WDR49: variants seen among roughly 807,000 people sequenced by gnomAD.
The protein encoded by WDR49 is cilia- and flagella-associated protein 337.
In WDR49, 107 loss-of-function variants were observed where a neutral mutation model predicts 119.5. The observed-to-expected ratio is 0.90, with a 90% CI of 0.77 to 1.05. The LOEUF (loss-of-function observed/expected upper bound fraction) is 1.05, where lower values mean the gene tolerates loss of function less well. WDR49 is among the 50% of genes least tolerant of loss of function. WDR49 has a pLI of 0.00. For missense variants in WDR49, 1,240 were observed against 1,220.5 expected, an observed-to-expected ratio of 1.02 and a Z score of -0.24; for synonymous variants, 425 against 418.8, an observed-to-expected ratio of 1.01 and a Z score of -0.18.
At chr3:167,482,506 A>G (rs1015393223) in intron 18 of WDR49, among the ~76,000 whole-genome samples, 1 of 48,050 alleles carries the variant, frequency 2.1e-5, no homozygotes, top group Non-Finnish European at 5.3e-5. Context: ...CGTCTCTACT[A>G]AAAAAAAAAA....
At position 167,560,057 on chromosome 3, in the gene WDR49, T is replaced by C. The variant is rs775436054; in HGVS notation, c.1674+7A>G. ...ATCTGGATAGAAAAGCATCATTGTG[T>C]TCGCACCTTTACAGTCCCATCTGTG... On this transcript the variant is annotated splice_region_variant and intron_variant, in intron 9 of 18. Transcript: ENST00000682715. The C allele has an allele frequency of 1.2e-6, 2 of 1,614,026 alleles. No individual in the cohort carries two copies. The highest frequency in any genetic ancestry group is 2.2e-5 in the South Asian group (2 of 91,060).
chr3:167,500,839 T>C (rs1467642833), intron 17 of WDR49, among the ~76,000 whole-genome samples: 1 of 152,244 alleles, frequency 6.6e-6, no homozygotes, highest in African/African-American at 2.4e-5. Context: ...TATTTCTCTT[T>C]GCTTCATGTA....
chr3:167,599,915 T>C (rs1311723009), intron 7 of WDR49, among the ~76,000 whole-genome samples: 3 of 152,174 alleles, frequency 2.0e-5, no homozygotes, highest in Non-Finnish European at 4.4e-5. Context: ...CTATCCCTGC[T>C]GGTTATTTAG....
chr3:167,510,092 G>A (rs1463493587), intron 16 of WDR49, among the ~76,000 whole-genome samples: 2 of 152,172 alleles, frequency 1.3e-5, no homozygotes, highest in East Asian at 3.9e-4. Context: ...TAATAAAAAT[G>A]TAGTATTTTT....
chr3:167,533,474 A>C (rs1195835609), intron 11 of WDR49, among the ~76,000 whole-genome samples: 1 of 152,100 alleles, frequency 6.6e-6, no homozygotes, highest in Admixed American at 6.6e-5. Flanking sequence ...ACTTTTTATT[A>C]TTGGGTAAAA....
chr3:167,636,733 C>A (rs1465942913), intron 2 of WDR49, among the ~76,000 whole-genome samples: 1 of 151,868 alleles, frequency 6.6e-6, no homozygotes, highest in Non-Finnish European at 1.5e-5. Flanking sequence ...TTGCATTCTC[C>A]TGATCATTAG....
At chr3:167,632,828 T>C (rs146268351) in intron 2 of WDR49, among the ~76,000 whole-genome samples, 364 of 152,104 alleles carry the variant, frequency 2.4e-3, no homozygotes, top group Non-Finnish European at 4.0e-3. Context: ...AATTGTGTGG[T>C]AGTGAAGAAG....
At chr3:167,505,201 T>G (rs1523339) in intron 17 of WDR49, 106 bp downstream of exon 17, 301,967 of 1,239,646 alleles carry the variant, frequency 0.24, 39,121 homozygotes, top group South Asian at 0.3. Context: ...TACATTCATG[T>G]TTATTAAGGA....
intron 12 of WDR49, among the ~76,000 whole-genome samples, chr3:167,531,532 A>T (rs1343311134): frequency 6.6e-6 from 1 of 152,138 alleles, no homozygotes. Flanking sequence ...TTAAGTAAGA[A>T]CTTAATATTG....
chr3:167,575,354 T>C (rs2108283406), intron 8 of WDR49: 1 of 940,786 alleles, frequency 1.1e-6, no homozygotes, highest in East Asian at 1.2e-4. Flanking sequence ...CAGGTAGTGG[T>C]CCCCTAAGCC....
chr3:167,576,105 A>G lies in WDR49; in HGVS notation c.1322T>C (p.Ile441Thr). 1 of 1,614,150 alleles carries G rather than the reference A, an allele frequency of 6.2e-7. No individual in the cohort carries two copies. Among genetic ancestry groups the G allele is most frequent in the Non-Finnish European group, 8.5e-7 (1 of 1,180,016 alleles). The change falls in exon 8 of 19, where the codon ATA becomes ACA. Residue 441 changes from isoleucine (I) to threonine (T), a missense_variant. Ile to Thr is a moderately conservative substitution (Grantham distance 89). Coordinates refer to ENST00000682715, the MANE Select transcript of WDR49 (RefSeq NM_001366157.1). ...CTGACTTTTGGGGAAAGAACAAGCT[A>G]TCCTCTGGATGGACAGCTGGTGTTG... ...DIQHQLSIQR[I>T]ACSFPKSQDF...
At chr3:167,549,545 A>AATTT (rs1712420889) in intron 10 of WDR49, among the ~76,000 whole-genome samples, 1 of 150,928 alleles carries the variant, frequency 6.6e-6, no homozygotes, top group Non-Finnish European at 1.5e-5. Flanking sequence ...GGGTTATTTG[A>AATTT]TTTTTTCTTG....
intron 18 of WDR49, among the ~76,000 whole-genome samples, chr3:167,486,674 A>G (rs938797580): frequency 6.6e-6 from 1 of 152,122 alleles, no homozygotes; most frequent in African/African-American, 2.4e-5. Flanking sequence ...ATCCAACAAG[A>G]AGATTTAACT....
At chr3:167,632,125 C>T (rs1349140201) in intron 2 of WDR49, among the ~76,000 whole-genome samples, 1 of 152,008 alleles carries the variant, frequency 6.6e-6, no homozygotes, top group Non-Finnish European at 1.5e-5. Context: ...TAAACTATTA[C>T]ATAATGGCAT....
At chr3:167,529,531 T>C (rs894659127) in intron 13 of WDR49, among the ~76,000 whole-genome samples, 9 of 152,268 alleles carry the variant, frequency 5.9e-5, no homozygotes, top group African/African-American at 1.9e-4. Flanking sequence ...AAAAGTTAGA[T>C]AGAATTGTTT....
chr3:167,533,994 C>T, intron 11 of WDR49, among the ~76,000 whole-genome samples: 1 of 151,852 alleles, frequency 6.6e-6, no homozygotes, highest in Admixed American at 6.6e-5. Context: ...TCGAGACCAG[C>T]CTGGCCAACA....
At chr3:167,624,129 A>G (rs1423829277) in intron 3 of WDR49, among the ~76,000 whole-genome samples, 1 of 151,990 alleles carries the variant, frequency 6.6e-6, no homozygotes, top group African/African-American at 2.4e-5. Context: ...ACATGAAACT[A>G]TGCTTAACAT....
intron 10 of WDR49, among the ~76,000 whole-genome samples, chr3:167,549,262 C>T (rs576169673): frequency 8.5e-5 from 13 of 152,180 alleles, no homozygotes; most frequent in African/African-American, 2.2e-4. Flanking sequence ...CTTGAGGAAT[C>T]GCCACACTCT....
intron 18 of WDR49, among the ~76,000 whole-genome samples, chr3:167,488,385 A>T (rs536057301): frequency 1.3e-5 from 2 of 152,126 alleles, no homozygotes; most frequent in African/African-American, 4.8e-5. Context: ...GTCACTATGG[A>T]CTACTAGAAC....
Sources: allele counts gnomAD v4.1 joint callset (sites outside exome capture counted in the v4.1 genomes callset), GRCh38; gene constraint gnomAD v4.1.1; transcripts MANE v1.5; gene names NCBI Gene and HGNC (gene_info 2026-07-23, HGNC 2026-07-21).